Variants in ITGA11 observed in about 807,000 individuals in gnomAD.
ITGA11 encodes the protein integrin subunit alpha 11, also known as integrin alpha-11.
In ITGA11, 97 loss-of-function variants were observed where a neutral mutation model predicts 141.9. That is an observed-to-expected ratio of 0.68 (90% CI 0.58 to 0.81). The LOEUF is 0.81. Among genes scored for constraint, ITGA11 ranks in the 30% least tolerant of loss-of-function variants. The pLI is 0.00. For missense variants in ITGA11, 1,387 were observed against 1,559.2 expected (o/e 0.89, Z 1.86); for synonymous variants, 658 against 624.6 (o/e 1.05, Z -0.80).
In ITGA11 at chr15:68,321,737, C is replaced by G. The variant is rs1024634498; in HGVS notation, c.2323-234G>C. 1.3e-5 allele frequency among the ~76,000 whole-genome samples: 2 copies of G among 152,310 alleles called. No individual in the cohort carries two copies. The highest frequency in any genetic ancestry group is 2.9e-5 in the Non-Finnish European group (2 of 68,024). On this transcript the variant is annotated intron_variant, in intron 18 of 29. Coordinates refer to ENST00000315757, the MANE Select transcript of ITGA11 (RefSeq NM_001004439.2). This position sits in a 1 kb window ranked among gnomAD's most constrained non-coding sequence, Gnocchi z 4.9. ...CCAGTTCATAACTGAGCTGATGGCA[C>G]AGAACCCCCACCCCCACTCACCCAG... is the stretch of plus-strand genomic sequence containing the variant.
At chr15:68,309,930 T>A (rs1230370953) in intron 26 of ITGA11, among the ~76,000 whole-genome samples, 3 of 152,124 alleles carry the variant, frequency 2.0e-5, no homozygotes, top group Non-Finnish European at 4.4e-5. Context: ...CATTATTAGC[T>A]GAGGAATAAT....
In ITGA11 at chr15:68,317,322, C is replaced by T. The variant is rs780766011; in HGVS notation, c.2658G>A (p.Arg886=). The part of the protein sequence containing the change: ...DGSIECVNEE[R]RLQKQVCNVS... ...CGTTGCAGACTTGCTTCTGGAGCCT[C>T]CTCTCCTCGTTCACACACTCAATGC... The change falls in exon 21 of 30, where the codon AGG becomes AGA. Residue 886 remains arginine (R), a synonymous_variant. Coordinates refer to ENST00000315757, the MANE Select transcript of ITGA11 (RefSeq NM_001004439.2). The T allele has an allele frequency of 8.2e-5, 132 of 1,613,800 alleles. No individual in the cohort carries two copies. Among genetic ancestry groups the T allele is most frequent in the Non-Finnish European group, 9.4e-5 (111 of 1,179,850 alleles).
intron 28 of ITGA11, among the ~76,000 whole-genome samples, chr15:68,306,171 CAG>C (rs1893186980): frequency 7.3e-6 from 1 of 136,142 alleles, no homozygotes; most frequent in Non-Finnish European, 1.5e-5. Flanking sequence ...GCCTGGGTGA[CAG>C]AGCAAGACTC....
chr15:68,313,753 C>G, intron 23 of ITGA11, 26 bp downstream of exon 23: 2 of 1,601,978 alleles, frequency 1.2e-6, no homozygotes, highest in Middle Eastern at 1.7e-4. Flanking sequence ...CCTTCCCTCT[C>G]CTGGGGCCCC....
chr15:68,369,814 A>G (rs898337850), intron 2 of ITGA11, among the ~76,000 whole-genome samples: 4 of 151,124 alleles, frequency 2.6e-5, no homozygotes, highest in Admixed American at 1.3e-4. Context: ...GGAAGCTGCC[A>G]TGCAGCTGGG....
At position 68,365,296 on chromosome 15, in the gene ITGA11, C is replaced by T. The variant is rs1374133385; in HGVS notation, c.266-498G>A. The T allele has an allele frequency of 3.0e-6, 3 of 985,332 alleles. No homozygotes were observed. The African/African-American group carries it at 5.2e-5, about 17-fold the overall frequency. The allele number at this position is 985,332 out of a possible 1,614,324, so 61.0% of individuals were successfully genotyped here. On this transcript the variant is annotated intron_variant, in intron 3 of 29. Coordinates refer to ENST00000315757, the MANE Select transcript of ITGA11 (RefSeq NM_001004439.2). Reference sequence around the variant, plus strand: ...CATGTGACAGCTGAGAGTTTCCTCTCATGGGTAACAGAGCCAACTCAACGA... The same window carrying T: ...CATGTGACAGCTGAGAGTTTCCTCTTATGGGTAACAGAGCCAACTCAACGA...
intron 1 of ITGA11, among the ~76,000 whole-genome samples, chr15:68,431,406 G>C (rs1897267962): frequency 6.6e-6 from 1 of 152,242 alleles, no homozygotes; most frequent in African/African-American, 2.4e-5. Flanking sequence ...CTGCGCGACT[G>C]TGTCCCGCCG....
At chr15:68,344,685 C>T (rs1894689095) in intron 10 of ITGA11, among the ~76,000 whole-genome samples, 1 of 151,982 alleles carries the variant, frequency 6.6e-6, no homozygotes, top group Middle Eastern at 3.4e-3. Context: ...TGCAGAGGAC[C>T]CTCCCACACA....
intron 3 of ITGA11, among the ~76,000 whole-genome samples, chr15:68,368,643 C>T (rs142358847): frequency 3.2e-4 from 49 of 152,310 alleles, no homozygotes; most frequent in East Asian, 5.8e-4. Context: ...ATGAACTGGA[C>T]GCCAAGCCCT....
At chr15:68,412,513 C>G (rs1298195542) in intron 1 of ITGA11, among the ~76,000 whole-genome samples, 2 of 152,072 alleles carry the variant, frequency 1.3e-5, no homozygotes, top group African/African-American at 4.8e-5. Context: ...CAGCTCTGTG[C>G]AGAACGGAGC....
intron 2 of ITGA11, among the ~76,000 whole-genome samples, chr15:68,392,936 A>G (rs1896154053): frequency 6.6e-6 from 1 of 152,208 alleles, no homozygotes; most frequent in African/African-American, 2.4e-5. Flanking sequence ...ATTGGAGTTA[A>G]CCAGCCAGGA....
At chr15:68,318,820 C>T (rs1200536096) in intron 20 of ITGA11, among the ~76,000 whole-genome samples, 1 of 152,142 alleles carries the variant, frequency 6.6e-6, no homozygotes, top group Non-Finnish European at 1.5e-5. Context: ...ACACTGGGTT[C>T]CACATTGACA....
Position 68,331,024 on chromosome 15 carries a change from T to A in ITGA11, c.1858A>T (p.Ile620Phe). 6.2e-7 allele frequency: 1 copy of A among 1,613,714 alleles called. No homozygotes were observed. The highest frequency in any genetic ancestry group is 8.5e-7 in the Non-Finnish European group (1 of 1,179,804). The change falls in exon 15 of 30, where the codon ATC becomes TTC. Residue 620 changes from isoleucine (I) to phenylalanine (F), a missense_variant. Transcript: ENST00000315757. ...CCAAGGGCTCCCACTGCCAGGTCGA[T>A]GAGCCCATCCTCATTGAGGTCCAAT... The part of the protein sequence containing the change: ...GQLDLNEDGL[I>F]DLAVGALGNA...
intron 5 of ITGA11, 84 bp from the exon 6 acceptor site, chr15:68,358,669 A>G: frequency 7.1e-7 from 1 of 1,409,502 alleles, no homozygotes; most frequent in South Asian, 1.4e-5. Flanking sequence ...TCAAAGGACA[A>G]ATGAATGACT....
chr15:68,350,852 T>C, intron 8 of ITGA11, 70 bp from the exon 9 acceptor site: 1 of 1,497,432 alleles, frequency 6.7e-7, no homozygotes, highest in South Asian at 1.3e-5. Context: ...CCACACGGCC[T>C]AGACCCTGGG....
intron 5 of ITGA11, among the ~76,000 whole-genome samples, chr15:68,360,750 C>T (rs1555450102): frequency 6.6e-6 from 1 of 152,176 alleles, no homozygotes; most frequent in Non-Finnish European, 1.5e-5. Context: ...TCTGCCATTT[C>T]CTCTGTCATT....
chr15:68,373,601 C>A (rs1447736735), intron 2 of ITGA11, among the ~76,000 whole-genome samples: 1 of 152,174 alleles, frequency 6.6e-6, no homozygotes, highest in African/African-American at 2.4e-5. Context: ...TTCCCAGTTG[C>A]AGGGATGGAG....
At chr15:68,314,024 G>C (rs1050040089) in intron 22 of ITGA11, among the ~76,000 whole-genome samples, 156 bp from the exon 23 acceptor site, 1 of 152,350 alleles carries the variant, frequency 6.6e-6, no homozygotes, top group East Asian at 1.9e-4. Context: ...TCTCCTAGGA[G>C]AGGAAGGGCC....
intron 5 of ITGA11, 44 bp downstream of exon 5, chr15:68,361,546 C>A (rs1347399702): frequency 7.7e-7 from 1 of 1,303,528 alleles, no homozygotes; most frequent in Middle Eastern, 1.8e-4. Flanking sequence ...TCTCTCTGGA[C>A]TGTCCACTGC....
Sources: allele counts gnomAD v4.1 joint callset (sites outside exome capture counted in the v4.1 genomes callset), GRCh38; gene constraint gnomAD v4.1.1; non-coding constraint Gnocchi (gnomAD v3.1); transcripts MANE v1.5; gene names NCBI Gene and HGNC (gene_info 2026-07-23, HGNC 2026-07-21).